Variants in STMND1 observed in about 807,000 individuals in gnomAD.
The protein encoded by STMND1 is stathmin domain containing 1, also known as stathmin domain-containing protein 1.
Under a neutral mutation model 23.0 loss-of-function variants are expected in STMND1, and 17 were observed. The ratio of observed to expected loss-of-function variants is 0.74; its 90% CI spans 0.51 to 1.11. The LOEUF is 1.11. Among genes scored for constraint, STMND1 ranks in the 50% least tolerant of loss-of-function variants. The pLI, the probability that STMND1 is intolerant of heterozygous loss-of-function variation, is 0.00. For missense variants in STMND1, 305 were observed against 329.1 expected (o/e 0.93, Z 0.57); for synonymous variants, 114 against 119.9 (o/e 0.95, Z 0.32).
chr6:17,122,777 A>G (rs539600516), intron 3 of STMND1, among the ~76,000 whole-genome samples: 1 of 152,324 alleles, frequency 6.6e-6, no homozygotes, highest in Admixed American at 6.5e-5. Flanking sequence ...AATGGAAAAG[A>G]TAATGCCAAC....
intron 1 of STMND1, among the ~76,000 whole-genome samples, chr6:17,108,949 G>A (rs576633542): frequency 1.8e-4 from 27 of 151,976 alleles, no homozygotes; most frequent in African/African-American, 6.0e-4. Context: ...TGCCTGCCTT[G>A]GCCTCCCAAT....
intron 3 of STMND1, chr6:17,128,801 C>G: frequency 4.8e-6 from 1 of 208,082 alleles, no homozygotes; most frequent in Non-Finnish European, 9.7e-6. Flanking sequence ...CAACCTCCAC[C>G]TCCTGGGCTC....
At chr6:17,116,962 G>A (rs952967117) in intron 2 of STMND1, among the ~76,000 whole-genome samples, 1 of 152,104 alleles carries the variant, frequency 6.6e-6, no homozygotes, top group Non-Finnish European at 1.5e-5. Context: ...ATAAGTTACA[G>A]ACATAATGCC....
At chr6:17,106,091 C>A (rs1038987841) in intron 1 of STMND1, among the ~76,000 whole-genome samples, 1 of 152,084 alleles carries the variant, frequency 6.6e-6, no homozygotes, top group East Asian at 1.9e-4. Context: ...AGCTCCATGC[C>A]TTTGCACCTA....
chr6:17,115,808 C>A (rs141384919), intron 2 of STMND1, among the ~76,000 whole-genome samples: 1 of 152,268 alleles, frequency 6.6e-6, no homozygotes, highest in African/African-American at 2.4e-5. Flanking sequence ...ACTTTTGCTC[C>A]CCATCACTGT....
chr6:17,117,090 C>T (rs537139124), intron 2 of STMND1, among the ~76,000 whole-genome samples: 7 of 151,722 alleles, frequency 4.6e-5, no homozygotes, highest in Admixed American at 2.6e-4. Context: ...TTTTTTGAGA[C>T]GGAGTTTTTC....
intron 1 of STMND1, among the ~76,000 whole-genome samples, chr6:17,111,625 A>G (rs897682358): frequency 3.3e-5 from 5 of 152,314 alleles, no homozygotes; most frequent in South Asian, 2.1e-4. Context: ...TTTCTTATAT[A>G]TTGTTAAGCA....
Position 17,126,070 on chromosome 6 carries a change from A to AT in STMND1, c.412-3014dup, listed in dbSNP as rs1189845838. Among the ~76,000 whole-genome samples, 67 of 20,532 alleles carry AT rather than the reference A, an allele frequency of 3.3e-3. 7 individuals are homozygous for AT. Among genetic ancestry groups the AT allele is most frequent in the East Asian group, 0.013 (5 of 374 alleles). The allele number at this position is 20,532 out of a possible 152,430, so 13.5% of individuals were successfully genotyped here. A position where few individuals can be genotyped will look rare whatever the true frequency, so the allele number is the denominator to read the frequency against. On this transcript the variant is annotated intron_variant, in intron 3 of 4. Coordinates refer to ENST00000536551, the MANE Select transcript of STMND1 (RefSeq NM_001190766.2). ...TATATATATATATATATATATATAT[A>AT]TTTTTTTTTTTTTTTTTTTTTTTTT...
At position 17,120,608 on chromosome 6, in the gene STMND1, C is replaced by T. The variant is rs1761219897; in HGVS notation, c.261C>T (p.Asp87=). ...TTTTCTTTTCTTCTTTTTTGGAAGACCTAGTGACCAATGGATTAATCAATA... is the reference window on the plus strand; with the variant it reads ...TTTTCTTTTCTTCTTTTTTGGAAGATCTAGTGACCAATGGATTAATCAATA... ...PSERNRRVNS[D]LVTNGLINKP... Residue 87 remains aspartate (D), a splice_region_variant and synonymous_variant, in exon 3 of 5, where the codon GAC becomes GAT. Transcript: ENST00000536551. 1 of 1,484,966 alleles carries T rather than the reference C, an allele frequency of 6.7e-7. No homozygotes were observed. Among genetic ancestry groups the T allele is most frequent in the Admixed American group, 2.6e-5 (1 of 38,752 alleles). The allele number at this position is 1,484,966 out of a possible 1,614,324, so 92.0% of individuals were successfully genotyped here.
intron 1 of STMND1, chr6:17,110,504 GCACGTCTGTAATCCCAA>G (rs1391425666): frequency 9.3e-6 from 2 of 215,536 alleles, no homozygotes; most frequent in African/African-American, 4.6e-5. Flanking sequence ...TCGCGGTGGC[GCACGTCTGTAATCCCAA>G]CACTTTGGGA....
chr6:17,109,828 T>TTGCAGGAACCCAAAAG (rs1285749655), intron 1 of STMND1, among the ~76,000 whole-genome samples: 1 of 152,234 alleles, frequency 6.6e-6, no homozygotes, highest in African/African-American at 2.4e-5. Flanking sequence ...CTCCTGTCAC[T>TTGCAGGAACCCAAAAG]TGCAGGAACC....
chr6:17,113,634 CTT>C (rs35898545), intron 1 of STMND1, among the ~76,000 whole-genome samples: 1,741 of 135,504 alleles, frequency 0.013, 29 homozygotes, highest in African/African-American at 0.043. Flanking sequence ...GTCTGCATCA[CTT>C]TTTTTTTTTT....
chr6:17,125,153 CAAA>C (rs5874593), intron 3 of STMND1, among the ~76,000 whole-genome samples: 1,443 of 129,264 alleles, frequency 0.011, 15 homozygotes, highest in African/African-American at 0.036. Context: ...GCCATTTCTA[CAAA>C]AAAAAAAAAA....
intron 1 of STMND1, among the ~76,000 whole-genome samples, chr6:17,110,041 A>G (rs1019554566): frequency 6.6e-6 from 1 of 152,194 alleles, no homozygotes; most frequent in African/African-American, 2.4e-5. Context: ...GTTCCTGGAC[A>G]CACAATATGA....
rs114413851 is a variant in STMND1, at chr6:17,123,228, G to A, written c.411+2470G>A. Among the ~76,000 whole-genome samples the A allele has an allele frequency of 3.6e-3, 550 of 152,196 alleles. 2 individuals are homozygous for A. Among genetic ancestry groups the A allele is most frequent in the South Asian group, 0.014 (69 of 4,810 alleles). On this transcript the variant is annotated intron_variant, in intron 3 of 4. Coordinates refer to ENST00000536551, the MANE Select transcript of STMND1 (RefSeq NM_001190766.2). ...ACCTTTAAAAAAATAATAACTGTGG[G>A]CTGGACTTTTAATAACATCATTAAG...
chr6:17,109,619 A>G (rs776156966), intron 1 of STMND1, among the ~76,000 whole-genome samples: 21 of 152,192 alleles, frequency 1.4e-4, no homozygotes, highest in Non-Finnish European at 2.4e-4. Flanking sequence ...GCCTAGAGTC[A>G]TAATTTTAGA....
At position 17,129,161 on chromosome 6, in the gene STMND1, A is replaced by C; in HGVS notation, c.461A>C (p.Lys154Thr). The change falls in exon 4 of 5, where the codon AAA becomes ACA. Residue 154 changes from lysine to threonine, a missense_variant. Transcript: ENST00000536551. Reference sequence around the variant, plus strand: ...AGAAAGCCACCTTCCAGACTGAAAAAACTCAAGATCAAAAAGCAAGTGAAG... The same window carrying C: ...AGAAAGCCACCTTCCAGACTGAAAACACTCAAGATCAAAAAGCAAGTGAAG... ...PLRKPPSRLK[K>T]LKIKKQVKDF... 2 of 1,535,892 alleles carry C rather than the reference A, an allele frequency of 1.3e-6. No homozygotes were observed. The highest frequency in any genetic ancestry group is 1.7e-6 in the Non-Finnish European group (2 of 1,146,836).
At chr6:17,118,719 G>A (rs1447618792) in intron 2 of STMND1, among the ~76,000 whole-genome samples, 2 of 152,304 alleles carry the variant, frequency 1.3e-5, no homozygotes, top group South Asian at 2.1e-4. Context: ...CAGTGGAACT[G>A]CTTACATGAC....
chr6:17,130,586 C>A lies in STMND1; in HGVS notation c.544-8C>A, dbSNP rs1311701982. On this transcript the variant is annotated splice_polypyrimidine_tract_variant and splice_region_variant and intron_variant, in intron 4 of 4. Coordinates refer to ENST00000536551, the MANE Select transcript of STMND1 (RefSeq NM_001190766.2). ...CGCTCTTTTTCATTCTTTAATACTG[C>A]ATTTCAGACTAAAGAAGAAGAAATA... 1.3e-6 allele frequency: 2 copies of A among 1,497,880 alleles called. No homozygotes were observed. The highest frequency in any genetic ancestry group is 1.8e-6 in the Non-Finnish European group (2 of 1,129,292). 92.8% of individuals were successfully genotyped at this position (1,497,880 alleles called of 1,614,324 possible).
Sources: gnomAD v4.1 joint callset for allele counts (sites outside exome capture counted in the v4.1 genomes callset) on GRCh38, gnomAD v4.1.1 for gene constraint, MANE v1.5 for transcripts, NCBI Gene and HGNC (gene_info 2026-07-23, HGNC 2026-07-21) for gene names.